The following TNIK variants were observed in gnomAD, a reference collection of about 807,000 sequenced individuals.
TNIK encodes the protein TRAF2 and NCK interacting kinase, also known as TRAF2 and NCK-interacting protein kinase.
A neutral mutation model predicts 191.3 loss-of-function variants in TNIK; 49 were observed. The ratio of observed to expected loss-of-function variants is 0.26; its 90% CI spans 0.20 to 0.32. TNIK has a LOEUF of 0.32. TNIK is among the 10% of genes least tolerant of loss of function. TNIK has a pLI of 1.00. For synonymous variants in TNIK, 594 were observed against 600.9 expected (o/e 0.99, Z 0.17); for missense variants, 1,155 against 1,702.3 (o/e 0.68, Z 5.66).
At chr3:171,130,946 C>T (rs1729154146) in intron 15 of TNIK, among the ~76,000 whole-genome samples, 1 of 152,152 alleles carries the variant, frequency 6.6e-6, no homozygotes, top group African/African-American at 2.4e-5. Flanking sequence ...CCCAAAGACT[C>T]TATCTTGGGC....
chr3:171,309,316 T>A (rs1431464382), intron 2 of TNIK, among the ~76,000 whole-genome samples: 1 of 152,138 alleles, frequency 6.6e-6, no homozygotes, highest in Admixed American at 6.6e-5. Flanking sequence ...AGCCAAATAC[T>A]GTATATTCTC....
chr3:171,161,973 G>A (rs1232998444), intron 10 of TNIK, among the ~76,000 whole-genome samples: 2 of 152,058 alleles, frequency 1.3e-5, no homozygotes, highest in African/African-American at 4.8e-5. Flanking sequence ...CCACTATAAA[G>A]CCACCCATAT....
intron 4 of TNIK, among the ~76,000 whole-genome samples, chr3:171,201,812 C>CTATCTATCTATATA (rs201257015): frequency 1.3e-5 from 2 of 152,102 alleles, no homozygotes; most frequent in Non-Finnish European, 2.9e-5. Flanking sequence ...ATCTATCTAT[C>CTATCTATCTATATA]TATATATAAA....
intron 1 of TNIK, among the ~76,000 whole-genome samples, chr3:171,444,344 A>G (rs529622664): frequency 5.0e-4 from 76 of 152,274 alleles, no homozygotes; most frequent in African/African-American, 1.7e-3. Flanking sequence ...TCCATTTCCC[A>G]GGTCTCAAAA....
intron 2 of TNIK, among the ~76,000 whole-genome samples, chr3:171,324,960 G>A (rs936183652): frequency 1.3e-5 from 2 of 152,068 alleles, no homozygotes; most frequent in African/African-American, 2.4e-5. Flanking sequence ...AATTAGCTGG[G>A]TATGCTGGCG....
intron 1 of TNIK, among the ~76,000 whole-genome samples, chr3:171,400,321 T>C (rs1201049782): frequency 2.6e-5 from 4 of 152,062 alleles, no homozygotes; most frequent in Admixed American, 6.6e-5. Context: ...TCCCAACACT[T>C]TGGGAGGCCA....
intron 1 of TNIK, among the ~76,000 whole-genome samples, chr3:171,450,590 G>T (rs73879571): frequency 0.049 from 7,457 of 152,232 alleles, 443 homozygotes; most frequent in African/African-American, 0.15. Context: ...TAGGCAGACA[G>T]ATAGATAAGT....
chr3:171,146,374 G>C (rs1246868930), intron 12 of TNIK, among the ~76,000 whole-genome samples: 1 of 152,064 alleles, frequency 6.6e-6, no homozygotes, highest in African/African-American at 2.4e-5. Context: ...TCTTGGCCCT[G>C]GTCCATCTTT....
intron 1 of TNIK, among the ~76,000 whole-genome samples, chr3:171,456,846 C>T (rs1207715922): frequency 6.6e-6 from 1 of 152,238 alleles, no homozygotes; most frequent in Non-Finnish European, 1.5e-5. Context: ...GATTCCACCA[C>T]AGAAAGTGTG....
intron 1 of TNIK, among the ~76,000 whole-genome samples, chr3:171,433,514 T>C (rs937135966): frequency 2.6e-5 from 4 of 152,164 alleles, no homozygotes; most frequent in African/African-American, 4.8e-5. Flanking sequence ...AAAATCAAAA[T>C]CTACTGTGTA....
chr3:171,190,936 T>G, intron 5 of TNIK, 149 bp from the exon 6 acceptor site: 1 of 574,872 alleles, frequency 1.7e-6, no homozygotes, highest in Non-Finnish European at 3.1e-6. Context: ...CTCATAGTGC[T>G]CTTCTAACTG....
intron 1 of TNIK, among the ~76,000 whole-genome samples, chr3:171,432,660 T>A (rs1024067257): frequency 6.6e-5 from 10 of 152,140 alleles, no homozygotes; most frequent in Non-Finnish European, 1.2e-4. Context: ...TATGATAAAA[T>A]CCTTGTATTC....
intron 2 of TNIK, among the ~76,000 whole-genome samples, chr3:171,300,450 G>C (rs1009731958): frequency 6.6e-6 from 1 of 152,172 alleles, no homozygotes; most frequent in Non-Finnish European, 1.5e-5. Context: ...GTATGCATCT[G>C]ACATTATTTC....
chr3:171,400,041 C>T (rs1421101046), intron 1 of TNIK, among the ~76,000 whole-genome samples: 1 of 152,158 alleles, frequency 6.6e-6, no homozygotes, highest in African/African-American at 2.4e-5. Context: ...AGGAGTAAGG[C>T]TCTCACAGGA....
chr3:171,238,288 TG>T (rs1347996126), intron 2 of TNIK, among the ~76,000 whole-genome samples: 1 of 151,292 alleles, frequency 6.6e-6, no homozygotes, highest in Non-Finnish European at 1.5e-5. Flanking sequence ...CACTCCAACC[TG>T]GGGGACAGAG....
intron 1 of TNIK, among the ~76,000 whole-genome samples, chr3:171,442,226 A>T (rs548265845): frequency 5.3e-5 from 8 of 152,322 alleles, no homozygotes; most frequent in African/African-American, 1.9e-4. Flanking sequence ...AGGACAGGGG[A>T]TTATTTTTTT....
intron 1 of TNIK, among the ~76,000 whole-genome samples, chr3:171,401,907 C>T (rs567344000): frequency 1.6e-4 from 24 of 152,194 alleles, no homozygotes; most frequent in Non-Finnish European, 3.2e-4. Context: ...GCTACAACCA[C>T]TGTTGTTATT....
intron 2 of TNIK, among the ~76,000 whole-genome samples, chr3:171,233,324 T>C (rs979295576): frequency 2.6e-5 from 4 of 151,848 alleles, no homozygotes; most frequent in South Asian, 2.1e-4. Context: ...AAAACACGCA[T>C]CACCAGAACC....
At chr3:171,262,132 A>C (rs1464978735) in intron 2 of TNIK, among the ~76,000 whole-genome samples, 1 of 152,176 alleles carries the variant, frequency 6.6e-6, no homozygotes, top group Non-Finnish European at 1.5e-5. Context: ...CTGATGAACC[A>C]TGCTAGAGTG....
Sources: allele counts gnomAD v4.1 joint callset (sites outside exome capture counted in the v4.1 genomes callset), GRCh38; gene constraint gnomAD v4.1.1; transcripts MANE v1.5; gene names NCBI Gene and HGNC (gene_info 2026-07-23, HGNC 2026-07-21).